ADGRG6: variants seen among roughly 807,000 people sequenced by gnomAD.
ADGRG6 encodes the protein G-protein coupled receptor 126.
In ADGRG6, 84 loss-of-function variants were observed where a neutral mutation model predicts 142.4. The observed-to-expected ratio is 0.59, with a 90% CI of 0.49 to 0.71. The LOEUF (loss-of-function observed/expected upper bound fraction) is 0.71, where lower values mean the gene tolerates loss of function less well. Ranked by LOEUF, ADGRG6 falls within the 30% of genes least tolerant of loss-of-function variation. The pLI, the probability that ADGRG6 is intolerant of heterozygous loss-of-function variation, is 0.00. For missense variants in ADGRG6, 1,367 were observed against 1,466.6 expected, an observed-to-expected ratio of 0.93 and a Z score of 1.11; for synonymous variants, 521 against 520.5, an observed-to-expected ratio of 1.00 and a Z score of -0.01.
At chr6:142,347,658 T>A (rs1779972298) in intron 2 of ADGRG6, among the ~76,000 whole-genome samples, 1 of 152,158 alleles carries the variant, frequency 6.6e-6, no homozygotes. Context: ...CTTAGACTTT[T>A]CTTTTACTAT....
intron 2 of ADGRG6, among the ~76,000 whole-genome samples, chr6:142,324,927 T>G (rs1778692193): frequency 6.6e-6 from 1 of 152,086 alleles, no homozygotes; most frequent in Admixed American, 6.6e-5. Context: ...AGGGAGACAT[T>G]TATAATTAAG....
chr6:142,432,980 G>T (rs1410627101), intron 22 of ADGRG6, among the ~76,000 whole-genome samples: 1 of 152,196 alleles, frequency 6.6e-6, no homozygotes, highest in Non-Finnish European at 1.5e-5. Context: ...TTTGCTAAAT[G>T]TGAGGCCCTC....
chr6:142,395,191 T>A (rs2114990057), intron 9 of ADGRG6, among the ~76,000 whole-genome samples: 1 of 152,304 alleles, frequency 6.6e-6, no homozygotes, highest in African/African-American at 2.4e-5. Flanking sequence ...GAAACTTGTT[T>A]TTATTTTCTG....
chr6:142,350,938 CA>C (rs1340950867), intron 2 of ADGRG6, among the ~76,000 whole-genome samples: 1 of 151,982 alleles, frequency 6.6e-6, no homozygotes, highest in Admixed American at 6.6e-5. Context: ...CAATCCTAAG[CA>C]AAAAGAGCAA....
At chr6:142,355,275 C>T (rs1258951031) in intron 2 of ADGRG6, among the ~76,000 whole-genome samples, 1 of 151,934 alleles carries the variant, frequency 6.6e-6, no homozygotes, top group African/African-American at 2.4e-5. Context: ...CACTGGGGCT[C>T]AGTCTTCCCA....
chr6:142,400,706 A>C (rs1775471218), intron 11 of ADGRG6, 110 bp downstream of exon 11: 1 of 665,964 alleles, frequency 1.5e-6, no homozygotes, highest in African/African-American at 1.8e-5. Context: ...AAAGAAGGGC[A>C]GGAATCTCTG....
chr6:142,347,164 A>T (rs1236330628), intron 2 of ADGRG6, among the ~76,000 whole-genome samples: 2 of 152,316 alleles, frequency 1.3e-5, no homozygotes, highest in East Asian at 3.9e-4. Flanking sequence ...GGCTTTGAAG[A>T]TACAGTAGTA....
chr6:142,390,251 T>C lies in ADGRG6; in HGVS notation c.1223-7T>C, dbSNP rs1395730803. 4.1e-6 allele frequency: 6 copies of C among 1,471,478 alleles called. No individual in the cohort carries two copies. Among genetic ancestry groups the C allele is most frequent in the Admixed American group, 3.6e-5 (2 of 56,050 alleles). The allele number at this position is 1,471,478 out of a possible 1,614,324, so 91.2% of individuals were successfully genotyped here. A position where few individuals can be genotyped will look rare whatever the true frequency, so the allele number is the denominator to read the frequency against. On this transcript the variant is annotated splice_polypyrimidine_tract_variant and splice_region_variant and intron_variant, in intron 6 of 24. Coordinates refer to ENST00000367609, the MANE Select transcript of ADGRG6 (RefSeq NM_198569.3). ...ATTAATGGACTAATCCTATTTCCAATGGGCAGATGGAATTATCTATAGAAT... is the reference window on the plus strand; with the variant it reads ...ATTAATGGACTAATCCTATTTCCAACGGGCAGATGGAATTATCTATAGAAT...
Position 142,329,844 on chromosome 6 carries a change from G to A in ADGRG6, c.103+20200G>A, listed in dbSNP as rs148937604. Among the ~76,000 whole-genome samples the A allele has an allele frequency of 5.8e-3, 886 of 152,282 alleles. 10 individuals are homozygous for A. Among genetic ancestry groups the A allele is most frequent in the Non-Finnish European group, 9.4e-3 (641 of 68,012 alleles). ...TTCTAATTGCAGTGCAATGACAACA[G>A]TCACATATCTGCCACTTATAGGAAG... On this transcript the variant is annotated intron_variant, in intron 2 of 24. Transcript: ENST00000367609.
intron 13 of ADGRG6, among the ~76,000 whole-genome samples, 198 bp downstream of exon 13, chr6:142,403,028 A>T (rs1192338616): frequency 6.6e-6 from 1 of 151,922 alleles, no homozygotes; most frequent in Non-Finnish European, 1.5e-5. Flanking sequence ...TGAGAAATAC[A>T]ATTTACAATA....
chr6:142,373,212 T>G (rs1245584736), intron 4 of ADGRG6, among the ~76,000 whole-genome samples: 1 of 152,166 alleles, frequency 6.6e-6, no homozygotes, highest in Non-Finnish European at 1.5e-5. Flanking sequence ...CTAACCAGTA[T>G]AAATTAGACT....
chr6:142,315,366 TG>T (rs894378703), intron 2 of ADGRG6, among the ~76,000 whole-genome samples: 1 of 148,272 alleles, frequency 6.7e-6, no homozygotes, highest in Non-Finnish European at 1.5e-5. Context: ...GTAAAGAAGA[TG>T]GAAAAAAAAA....
At chr6:142,371,472 CTGTTTTTTTT>C (rs1398055408) in intron 4 of ADGRG6, among the ~76,000 whole-genome samples, 2 of 127,176 alleles carry the variant, frequency 1.6e-5, no homozygotes, top group South Asian at 2.5e-4. Context: ...TGGCCAGTTA[CTGTTTTTTTT>C]TGTTTTTTTT....
Position 142,302,028 on chromosome 6 carries a change from C to G in ADGRG6, c.-302C>G, listed in dbSNP as rs996044341. On this transcript the variant is annotated 5_prime_UTR_variant, in exon 1 of 25. Transcript: ENST00000367609. ...TGGCCCGGTCTCCTCAGCACCAGCC[C>G]CACGCACACCCTACTTCCTCAGCTT... 2 of 495,666 alleles carry G rather than the reference C, an allele frequency of 4.0e-6. No individual in the cohort carries two copies. Among genetic ancestry groups the G allele is most frequent in the Non-Finnish European group, 7.1e-6 (2 of 283,278 alleles). The allele number at this position is 495,666 out of a possible 1,614,324, so 30.7% of individuals were successfully genotyped here.
chr6:142,309,745 C>CTTTT, intron 2 of ADGRG6, 101 bp downstream of exon 2: 1 of 527,224 alleles, frequency 1.9e-6, no homozygotes, highest in South Asian at 3.7e-5. Context: ...TACTTACTGC[C>CTTTT]TTTTTTTTTT....
chr6:142,402,570 CT>C, intron 12 of ADGRG6, 49 bp from the exon 13 acceptor site: 2 of 950,576 alleles, frequency 2.1e-6, no homozygotes, highest in Non-Finnish European at 3.3e-6. Flanking sequence ...TGGAAATGCT[CT>C]AAATATTCAG....
chr6:142,332,050 A>G (rs1385737973), intron 2 of ADGRG6, among the ~76,000 whole-genome samples: 5 of 152,228 alleles, frequency 3.3e-5, no homozygotes, highest in African/African-American at 7.2e-5. Flanking sequence ...TCTAAAATAC[A>G]TATCATTGAT....
chr6:142,315,016 A>G (rs745612986), intron 2 of ADGRG6, among the ~76,000 whole-genome samples: 6 of 135,068 alleles, frequency 4.4e-5, no homozygotes, highest in Non-Finnish European at 9.3e-5. Context: ...TATACAGTCT[A>G]TTTTGTTTTG....
At chr6:142,421,202 C>T (rs1419068450) in intron 22 of ADGRG6, among the ~76,000 whole-genome samples, 3 of 152,138 alleles carry the variant, frequency 2.0e-5, no homozygotes, top group African/African-American at 4.8e-5. Context: ...ATAATTGTCA[C>T]ATGGTAGGTG....
Sources: allele counts gnomAD v4.1 joint callset (sites outside exome capture counted in the v4.1 genomes callset), GRCh38; gene constraint gnomAD v4.1.1; transcripts MANE v1.5; gene names NCBI Gene and HGNC (gene_info 2026-07-23, HGNC 2026-07-21).